RAD51B: variants seen among roughly 807,000 people sequenced by gnomAD.
The protein encoded by RAD51B is RAD51 paralog B.
In RAD51B, 38 loss-of-function variants were observed where a neutral mutation model predicts 42.2. The ratio of observed to expected loss-of-function variants is 0.90; its 90% CI spans 0.70 to 1.18. RAD51B has a LOEUF of 1.18. RAD51B is among the 50% of genes most tolerant of loss of function. The probability of loss-of-function intolerance (pLI) is 0.00; values close to 1 mark genes in which losing one functional copy is unlikely to be tolerated. For synonymous variants in RAD51B, 154 were observed against 145.2 expected, an observed-to-expected ratio of 1.06 and a Z score of -0.43; for missense variants, 373 against 400.7, an observed-to-expected ratio of 0.93 and a Z score of 0.59.
At chr14:68,163,719 A>G (rs1221310893) in intron 7 of RAD51B, among the ~76,000 whole-genome samples, 1 of 152,146 alleles carries the variant, frequency 6.6e-6, no homozygotes, top group Admixed American at 6.6e-5. Context: ...CCTAATGGCC[A>G]CCCACCTAGC....
At chr14:67,953,899 A>C (rs534446840) in intron 7 of RAD51B, among the ~76,000 whole-genome samples, 14 of 152,144 alleles carry the variant, frequency 9.2e-5, no homozygotes, top group Non-Finnish European at 1.5e-4. Context: ...ATTGCAAAGA[A>C]GAGAAAGGGA....
At chr14:68,617,380 G>T (rs1401543670) in intron 10 of RAD51B, among the ~76,000 whole-genome samples, 1 of 152,150 alleles carries the variant, frequency 6.6e-6, no homozygotes, top group Non-Finnish European at 1.5e-5. Context: ...TGATCAAGCT[G>T]GTTGATATTT....
chr14:68,093,624 A>C (rs1367122830), intron 7 of RAD51B, among the ~76,000 whole-genome samples: 5 of 151,536 alleles, frequency 3.3e-5, no homozygotes, highest in Non-Finnish European at 7.4e-5. Context: ...GCGGTCTATC[A>C]ATTTTGTTGA....
intron 7 of RAD51B, among the ~76,000 whole-genome samples, chr14:68,107,604 T>A (rs2077396027): frequency 6.6e-6 from 1 of 151,852 alleles, no homozygotes; most frequent in Admixed American, 6.6e-5. Flanking sequence ...AACAGTGTGG[T>A]CCTAGCATAG....
intron 7 of RAD51B, among the ~76,000 whole-genome samples, chr14:68,224,531 T>C (rs1352646883): frequency 6.6e-6 from 1 of 152,220 alleles, no homozygotes; most frequent in African/African-American, 2.4e-5. Context: ...CATATTATTA[T>C]GATCTATTCA....
chr14:68,410,731 G>A (rs546057970), intron 8 of RAD51B, among the ~76,000 whole-genome samples: 1 of 152,294 alleles, frequency 6.6e-6, no homozygotes, highest in East Asian at 1.9e-4. Flanking sequence ...GTTTTCTCAT[G>A]GTGATATCAA....
intron 9 of RAD51B, among the ~76,000 whole-genome samples, chr14:68,465,663 C>G (rs1329321930): frequency 6.6e-6 from 1 of 152,126 alleles, no homozygotes; most frequent in Non-Finnish European, 1.5e-5. Context: ...TGAACCGGGC[C>G]AGGCGTGGTG....
At chr14:68,444,769 G>A (rs987549793) in intron 9 of RAD51B, among the ~76,000 whole-genome samples, 1 of 152,216 alleles carries the variant, frequency 6.6e-6, no homozygotes, top group Non-Finnish European at 1.5e-5. Flanking sequence ...GGGTGGAGGT[G>A]GTGGTGGTGA....
chr14:68,659,203 C>T (rs1379094645), intron 11 of RAD51B, among the ~76,000 whole-genome samples: 1 of 152,238 alleles, frequency 6.6e-6, no homozygotes, highest in Non-Finnish European at 1.5e-5. Context: ...ACAGGAAAAA[C>T]AATCTCCCCT....
At chr14:68,627,031 TA>T (rs1892099873) in intron 10 of RAD51B, 1 of 152,218 alleles carries the variant, frequency 6.6e-6, no homozygotes, top group Non-Finnish European at 1.5e-5. Flanking sequence ...TCTTACCTCA[TA>T]CCCCAAGGTA....
chr14:68,271,084 C>T (rs1197607789), intron 7 of RAD51B, among the ~76,000 whole-genome samples: 1 of 152,176 alleles, frequency 6.6e-6, no homozygotes, highest in Non-Finnish European at 1.5e-5. Flanking sequence ...ATTCCCACAC[C>T]TTAAGCTAAA....
intron 8 of RAD51B, among the ~76,000 whole-genome samples, chr14:68,297,366 A>C (rs1475359794): frequency 1.3e-5 from 2 of 152,194 alleles, no homozygotes; most frequent in African/African-American, 2.4e-5. Flanking sequence ...CCGATAAAAA[A>C]CACTGGTGTT....
intron 7 of RAD51B, among the ~76,000 whole-genome samples, chr14:67,987,850 G>A (rs1454276051): frequency 6.6e-6 from 1 of 152,152 alleles, no homozygotes; most frequent in African/African-American, 2.4e-5. Flanking sequence ...CTTGGCAATC[G>A]CTTCCTCAGC....
At chr14:68,621,890 G>A (rs1305901233) in intron 10 of RAD51B, among the ~76,000 whole-genome samples, 1 of 152,212 alleles carries the variant, frequency 6.6e-6, no homozygotes, top group African/African-American at 2.4e-5. Context: ...GAGCTTTGGG[G>A]TGCAGGAGGC....
At chr14:68,483,061 A>G (rs112881804), downstream of RAD51B, among the ~76,000 whole-genome samples, 1 of 76,210 alleles carries the variant, frequency 1.3e-5, no homozygotes, top group Non-Finnish European at 2.7e-5. Context: ...AAAGTAAGAA[A>G]GAGAGAGAGA....
chr14:68,076,970 T>C (rs1013017455), intron 7 of RAD51B, among the ~76,000 whole-genome samples: 1 of 152,318 alleles, frequency 6.6e-6, no homozygotes, highest in East Asian at 1.9e-4. Context: ...CAGTTGACAG[T>C]CTATGTGCCT....
At chr14:68,630,372 C>G (rs1269797063) in intron 10 of RAD51B, among the ~76,000 whole-genome samples, 3 of 152,026 alleles carry the variant, frequency 2.0e-5, no homozygotes, top group Non-Finnish European at 4.4e-5. Flanking sequence ...TCTTTCTCCC[C>G]CACTAGTCCC....
chr14:68,122,969 A>G (rs1158744565), intron 7 of RAD51B, among the ~76,000 whole-genome samples: 2 of 152,028 alleles, frequency 1.3e-5, no homozygotes, highest in Non-Finnish European at 2.9e-5. Flanking sequence ...AAACACACAC[A>G]CACACACACA....
chr14:68,055,072 A>G (rs1459133828), intron 7 of RAD51B, among the ~76,000 whole-genome samples: 1 of 152,194 alleles, frequency 6.6e-6, no homozygotes, highest in African/African-American at 2.4e-5. Flanking sequence ...CACTCAGTGT[A>G]TTATAATAAT....
Sources: allele counts gnomAD v4.1 joint callset (sites outside exome capture counted in the v4.1 genomes callset), GRCh38; gene constraint gnomAD v4.1.1; transcripts MANE v1.5; gene names NCBI Gene and HGNC (gene_info 2026-07-23, HGNC 2026-07-21).